MC1R: variants seen among roughly 807,000 people sequenced by gnomAD.
The protein encoded by MC1R is melanocyte-stimulating hormone receptor.
For synonymous variants in MC1R, 263 were observed against 203.8 expected, an observed-to-expected ratio of 1.29 and a Z score of -2.47; for missense variants, 542 against 430.0, an observed-to-expected ratio of 1.26 and a Z score of -2.30.
chr16:89,919,447 C>G lies in MC1R; in HGVS notation c.189C>G (p.Ile63Met), dbSNP rs373344683. ...LVENALVVATIAKNRNLHSPM... is the reference protein window; with the variant it reads ...LVENALVVATMAKNRNLHSPM... ...AGAACGCGCTGGTGGTGGCCACCAT[C>G]GCCAAGAACCGGAACCTGCACTCAC... Residue 63 changes from isoleucine to methionine, a missense_variant, in exon 1 of 1, where the codon ATC (isoleucine) becomes ATG (methionine). Ile to Met is a conservative substitution (Grantham distance 10, BLOSUM62 1). Coordinates refer to ENST00000555147, the MANE Select transcript of MC1R (RefSeq NM_002386.4). 1 of 1,613,144 alleles carries G rather than the reference C, an allele frequency of 6.2e-7. No homozygotes were observed. Among genetic ancestry groups the G allele is most frequent in the Non-Finnish European group, 8.5e-7 (1 of 1,179,896 alleles).
Position 89,920,235 on chromosome 16 carries a change from T to A in MC1R, c.*23T>A. 1.9e-6 allele frequency: 3 copies of A among 1,583,174 alleles called. No individual in the cohort carries two copies. Among genetic ancestry groups the A allele is most frequent in the Non-Finnish European group, 2.6e-6 (3 of 1,153,176 alleles). On this transcript the variant is annotated 3_prime_UTR_variant, in exon 1 of 1. Coordinates refer to ENST00000555147, the MANE Select transcript of MC1R (RefSeq NM_002386.4). ...TGAGCGCGGTGCACGCGGCTTTAAG[T>A]GTGCTGGGCAGAGGGAGGTGGTGAT...
In MC1R at chr16:89,919,506, CGGACCTGCTGGTGAGCG is replaced by C; in HGVS notation, c.252_268del (p.Asp84GlufsTer32). The stretch of plus-strand genomic sequence containing the variant: ...TGCTTCATCTGCTGCCTGGCCTTGT[CGGACCTGCTGGTGAGCG>C]GGAGCAACGTGCTGGAGACGGCCGT... On this transcript the variant is annotated frameshift_variant, in exon 1 of 1. Transcript: ENST00000555147. LOFTEE classifies it low-confidence loss of function (END_TRUNC). The C allele has an allele frequency of 6.2e-7, 1 of 1,613,140 alleles. No individual in the cohort carries two copies.
chr16:89,920,011 C>T lies in MC1R; in HGVS notation c.753C>T (p.Phe251=), dbSNP rs561571645. 109 of 1,613,656 alleles carry T rather than the reference C, an allele frequency of 6.8e-5. 2 individuals carry two copies. The South Asian group carries it at 1.1e-3, about 16-fold the overall frequency. ...TCACCATCCTGCTGGGCATTTTCTT[C>T]CTCTGCTGGGGCCCCTTCTTCCTGC... ...VTLTILLGIF[F]LCWGPFFLHL... The change falls in exon 1 of 1, where the codon TTC becomes TTT. Residue 251 remains phenylalanine, a synonymous_variant. Transcript: ENST00000555147.
rs1025344037 is a variant in MC1R at position 89,920,768 on chromosome 16, G to A, written c.*556G>A. ...ATCCCTGCCTCAGGCCAAGGGACCA[G>A]GTTTGCAGGAGCCCCCCTAGTGGTA... On this transcript the variant is annotated 3_prime_UTR_variant, in exon 1 of 1. Transcript: ENST00000555147. 1 of 702,640 alleles carries A rather than the reference G, an allele frequency of 1.4e-6. No individual in the cohort carries two copies. Among genetic ancestry groups the A allele is most frequent in the Non-Finnish European group, 2.6e-6 (1 of 378,134 alleles). 43.5% of individuals were successfully genotyped at this position (702,640 alleles called of 1,614,324 possible).
chr16:89,920,187 A>G lies in MC1R; in HGVS notation c.929A>G (p.Lys310Arg), dbSNP rs774110096. Residue 310 changes from lysine to arginine, a missense_variant, in exon 1 of 1, where the codon AAG (lysine) becomes AGG (arginine). Coordinates refer to ENST00000555147, the MANE Select transcript of MC1R (RefSeq NM_002386.4). ...FHSQELRRTLKEVLTCSW is the reference protein window; with the variant it reads ...FHSQELRRTLREVLTCSW ...AGCCAGGAGCTCCGCAGGACGCTCA[A>G]GGAGGTGCTGACATGCTCCTGGTGA... is the stretch of plus-strand genomic sequence containing the variant. 1 of 1,613,956 alleles carries G rather than the reference A, an allele frequency of 6.2e-7. No homozygotes were observed. The highest frequency in any genetic ancestry group is 2.2e-5 in the East Asian group (1 of 44,882).
Position 89,920,560 on chromosome 16 carries a change from G to A in MC1R, c.*348G>A. 1 of 652,134 alleles carries A rather than the reference G, an allele frequency of 1.5e-6. No individual in the cohort carries two copies. Among genetic ancestry groups the A allele is most frequent in the East Asian group, 2.7e-5 (1 of 36,720 alleles). 40.4% of individuals were successfully genotyped at this position (652,134 alleles called of 1,614,324 possible). The stretch of plus-strand genomic sequence containing the variant: ...CTCCGTCTGCTCCAATGACTGAGCA[G>A]CATCCACCCCACCCCATCTTTGCTG... On this transcript the variant is annotated 3_prime_UTR_variant, in exon 1 of 1. Transcript: ENST00000555147.
Position 89,920,878 on chromosome 16 carries a change from A to G in MC1R, c.*666A>G. The G allele has an allele frequency of 1.7e-6, 1 of 596,676 alleles. No individual in the cohort carries two copies. The highest frequency in any genetic ancestry group is 3.0e-6 in the Non-Finnish European group (1 of 328,756). The allele number at this position is 596,676 out of a possible 1,614,324, so 37.0% of individuals were successfully genotyped here. A position where few individuals can be genotyped will look rare whatever the true frequency, so the allele number is the denominator to read the frequency against. Reference sequence around the variant, plus strand: ...CCTGCTTTCCTGCAGCAGTCGCCCAAGCAGACAGCCCTGGCAAATGCCTGA... The same window carrying G: ...CCTGCTTTCCTGCAGCAGTCGCCCAGGCAGACAGCCCTGGCAAATGCCTGA... On this transcript the variant is annotated 3_prime_UTR_variant, in exon 1 of 1. Transcript: ENST00000555147.
At position 89,919,717 on chromosome 16, in the gene MC1R, C is replaced by T. The variant is rs762670523; in HGVS notation, c.459C>T (p.His153=). 30 of 1,606,298 alleles carry T rather than the reference C, an allele frequency of 1.9e-5. No homozygotes were observed. Among genetic ancestry groups the T allele is most frequent in the African/African-American group, 2.7e-5 (2 of 74,950 alleles). The stretch of plus-strand genomic sequence containing the variant: ...CCATCTTCTACGCACTGCGCTACCA[C>T]AGCATCGTGACCCTGCCGCGGGCGC... ...YISIFYALRY[H]SIVTLPRARR... Residue 153 remains histidine, a synonymous_variant, in exon 1 of 1, where the codon CAC becomes CAT. Transcript: ENST00000555147.
At position 89,919,312 on chromosome 16, in the gene MC1R, C is replaced by T. The variant is rs1467766749; in HGVS notation, c.54C>T (p.Pro18=). 6.2e-7 allele frequency: 1 copy of T among 1,610,936 alleles called. No homozygotes were observed. The highest frequency in any genetic ancestry group is 8.5e-7 in the Non-Finnish European group (1 of 1,178,876). ...TTCTGGGCTCCCTCAACTCCACCCC[C>T]ACAGCCATCCCCCAGCTGGGGCTGG... is the stretch of plus-strand genomic sequence containing the variant. The part of the protein sequence containing the change: ...RRLLGSLNST[P]TAIPQLGLAA... Residue 18 remains proline, a synonymous_variant, in exon 1 of 1, where the codon CCC becomes CCT. Coordinates refer to ENST00000555147, the MANE Select transcript of MC1R (RefSeq NM_002386.4).
At position 89,919,158 on chromosome 16, in the gene MC1R, G is replaced by C; in HGVS notation, c.-101G>C. The C allele has an allele frequency of 1.2e-6, 1 of 816,046 alleles. No individual in the cohort carries two copies. The allele number at this position is 816,046 out of a possible 1,614,324, so 50.6% of individuals were successfully genotyped here. A position where few individuals can be genotyped will look rare whatever the true frequency, so the allele number is the denominator to read the frequency against. On this transcript the variant is annotated 5_prime_UTR_variant, in exon 1 of 1. Coordinates refer to ENST00000555147, the MANE Select transcript of MC1R (RefSeq NM_002386.4). ...GAGGCAGGCATGGGGGACACCCAAG[G>C]CCCCCTGGCAGCACCATGAACTAAG...
At position 89,920,193 on chromosome 16, in the gene MC1R, T is replaced by G; in HGVS notation, c.935T>G (p.Val312Gly). Residue 312 changes from valine to glycine, a missense_variant, in exon 1 of 1, where the codon GTG (valine) becomes GGG (glycine). Transcript: ENST00000555147. ...GAGCTCCGCAGGACGCTCAAGGAGG[T>G]GCTGACATGCTCCTGGTGAGCGCGG... Reference protein sequence around the residue: ...SQELRRTLKEVLTCSW With the variant: ...SQELRRTLKEGLTCSW 1 of 1,613,760 alleles carries G rather than the reference T, an allele frequency of 6.2e-7. No individual in the cohort carries two copies. The highest frequency in any genetic ancestry group is 8.5e-7 in the Non-Finnish European group (1 of 1,179,730).
chr16:89,919,832 C>T lies in MC1R; in HGVS notation c.574C>T (p.Leu192Phe). ...YYDHVAVLLC[L>F]VVFFLAMLVL... The stretch of plus-strand genomic sequence containing the variant: ...CGACCACGTGGCCGTCCTGCTGTGC[C>T]TCGTGGTCTTCTTCCTGGCTATGCT... Residue 192 changes from leucine to phenylalanine, a missense_variant, in exon 1 of 1, where the codon CTC becomes TTC. Coordinates refer to ENST00000555147, the MANE Select transcript of MC1R (RefSeq NM_002386.4). The T allele has an allele frequency of 2.5e-6, 4 of 1,606,878 alleles. No individual in the cohort carries two copies. The highest frequency in any genetic ancestry group is 3.4e-6 in the Non-Finnish European group (4 of 1,179,618).
rs376679503 is a variant in MC1R at position 89,919,358 on chromosome 16, C to T, written c.100C>T (p.Arg34Trp). 4.8e-5 allele frequency: 78 copies of T among 1,612,922 alleles called. No individual in the cohort carries two copies. The highest frequency in any genetic ancestry group is 6.6e-5 in the South Asian group (6 of 91,068). ...GCTGGCTGCCAACCAGACAGGAGCC[C>T]GGTGCCTGGAGGTGTCCATCTCTGA... The part of the protein sequence containing the change: ...LGLAANQTGA[R>W]CLEVSISDGL... The change falls in exon 1 of 1, where the codon CGG (arginine) becomes TGG (tryptophan). Residue 34 changes from arginine to tryptophan, a missense_variant. Arg to Trp is a moderately radical substitution (Grantham distance 101, BLOSUM62 -3). Transcript: ENST00000555147.
In MC1R at chr16:89,919,792, C is replaced by T. The variant is rs766933388; in HGVS notation, c.534C>T (p.Leu178=). ...IWVASVVFST[L]FIAYYDHVAV... ...TGGCCAGTGTCGTCTTCAGCACGCT[C>T]TTCATCGCCTACTACGACCACGTGG... Residue 178 remains leucine (L), a synonymous_variant, in exon 1 of 1, where the codon CTC becomes CTT. Coordinates refer to ENST00000555147, the MANE Select transcript of MC1R (RefSeq NM_002386.4). 1 of 1,608,292 alleles carries T rather than the reference C, an allele frequency of 6.2e-7. No individual in the cohort carries two copies. The highest frequency in any genetic ancestry group is 1.1e-5 in the South Asian group (1 of 91,086).
Position 89,920,477 on chromosome 16 carries a change from G to A in MC1R, c.*265G>A. On this transcript the variant is annotated 3_prime_UTR_variant, in exon 1 of 1. Transcript: ENST00000555147. ...GGAGGTTGTGGGGCCTCAGGCTCCG[G>A]GCACCAGGGGCCAACCTCAGGCTCC... 1.6e-6 allele frequency: 1 copy of A among 616,090 alleles called. No individual in the cohort carries two copies. Among genetic ancestry groups the A allele is most frequent in the Non-Finnish European group, 3.0e-6 (1 of 338,816 alleles). 38.2% of individuals were successfully genotyped at this position (616,090 alleles called of 1,614,324 possible).
chr16:89,920,779 G>C lies in MC1R; in HGVS notation c.*567G>C, dbSNP rs762056280. Reference sequence around the variant, plus strand: ...AGGCCAAGGGACCAGGTTTGCAGGAGCCCCCCTAGTGGTATGGGGCTGAGC... The same window carrying C: ...AGGCCAAGGGACCAGGTTTGCAGGACCCCCCCTAGTGGTATGGGGCTGAGC... On this transcript the variant is annotated 3_prime_UTR_variant, in exon 1 of 1. Coordinates refer to ENST00000555147, the MANE Select transcript of MC1R (RefSeq NM_002386.4). 2.9e-6 allele frequency: 2 copies of C among 693,112 alleles called. No individual in the cohort carries two copies. Among genetic ancestry groups the C allele is most frequent in the Non-Finnish European group, 5.4e-6 (2 of 373,576 alleles). 42.9% of individuals were successfully genotyped at this position (693,112 alleles called of 1,614,324 possible). A position where few individuals can be genotyped will look rare whatever the true frequency, so the allele number is the denominator to read the frequency against.
In MC1R at chr16:89,920,237, T is replaced by G; in HGVS notation, c.*25T>G. On this transcript the variant is annotated 3_prime_UTR_variant, in exon 1 of 1. Coordinates refer to ENST00000555147, the MANE Select transcript of MC1R (RefSeq NM_002386.4). The stretch of plus-strand genomic sequence containing the variant: ...AGCGCGGTGCACGCGGCTTTAAGTG[T>G]GCTGGGCAGAGGGAGGTGGTGATAT... The G allele has an allele frequency of 1.3e-6, 2 of 1,583,568 alleles. No individual in the cohort carries two copies. Among genetic ancestry groups the G allele is most frequent in the East Asian group, 2.2e-5 (1 of 44,574 alleles).
chr16:89,919,274 T>C lies in MC1R; in HGVS notation c.16T>C (p.Ser6Pro). The change falls in exon 1 of 1, where the codon TCC becomes CCC. Residue 6 changes from serine to proline, a missense_variant. By Grantham distance (74) the Ser-to-Pro change is moderately conservative. Transcript: ENST00000555147. ...GGACAGGACTATGGCTGTGCAGGGATCCCAGAGAAGACTTCTGGGCTCCCT... is the reference window on the plus strand; with the variant it reads ...GGACAGGACTATGGCTGTGCAGGGACCCCAGAGAAGACTTCTGGGCTCCCT... MAVQG[S>P]QRRLLGSLNS... The C allele has an allele frequency of 6.3e-7, 1 of 1,582,202 alleles. No individual in the cohort carries two copies. The highest frequency in any genetic ancestry group is 8.6e-7 in the Non-Finnish European group (1 of 1,163,638).
chr16:89,919,164 T>C lies in MC1R; in HGVS notation c.-95T>C. The C allele has an allele frequency of 1.1e-6, 1 of 886,032 alleles. No individual in the cohort carries two copies. Among genetic ancestry groups the C allele is most frequent in the South Asian group, 1.8e-5 (1 of 56,008 alleles). 54.9% of individuals were successfully genotyped at this position (886,032 alleles called of 1,614,324 possible). ...GGCATGGGGGACACCCAAGGCCCCC[T>C]GGCAGCACCATGAACTAAGCAGGAC... On this transcript the variant is annotated 5_prime_UTR_variant, in exon 1 of 1. Transcript: ENST00000555147.
Sources: gnomAD v4.1 joint callset for allele counts on GRCh38, gnomAD v4.1.1 for gene constraint, MANE v1.5 for transcripts, NCBI Gene and HGNC (gene_info 2026-07-23, HGNC 2026-07-21) for gene names.